Variants in SLC24A4 observed in about 807,000 individuals in gnomAD.
The protein encoded by SLC24A4 is solute carrier family 24 member 4.
In SLC24A4, 53 loss-of-function variants were observed where a neutral mutation model predicts 79.0. That is an observed-to-expected ratio of 0.67 (90% confidence interval 0.54 to 0.84). SLC24A4 has a LOEUF of 0.84. Among genes scored for constraint, SLC24A4 ranks in the 40% least tolerant of loss-of-function variants. SLC24A4 has a pLI of 0.00. For missense variants in SLC24A4, 731 were observed against 822.0 expected (o/e 0.89, Z 1.35); for synonymous variants, 323 against 323.8 (o/e 1.00, Z 0.03).
At chr14:92,339,970 G>A (rs1297977364) in intron 2 of SLC24A4, among the ~76,000 whole-genome samples, 2 of 152,234 alleles carry the variant, frequency 1.3e-5, no homozygotes, top group East Asian at 3.8e-4. Flanking sequence ...GGCAGGATCT[G>A]TAGGTCTTAG....
chr14:92,326,008 T>G (rs1160066736), intron 2 of SLC24A4, 30 bp downstream of exon 2: 8 of 1,500,064 alleles, frequency 5.3e-6, no homozygotes, highest in Non-Finnish European at 7.4e-6. Context: ...CCACTCAGTC[T>G]ACTAAGATGT....
chr14:92,334,744 G>A (rs1566692498), intron 2 of SLC24A4, among the ~76,000 whole-genome samples: 1 of 152,064 alleles, frequency 6.6e-6, no homozygotes, highest in Non-Finnish European at 1.5e-5. Flanking sequence ...ATCTTGCTAA[G>A]CATCAGGATT....
rs1886990729 is a variant in SLC24A4 at position 92,353,291 on chromosome 14, C to T, written c.241+27313C>T. 1.3e-5 allele frequency among the ~76,000 whole-genome samples: 2 copies of T among 152,248 alleles called. No homozygotes were observed. The highest frequency in any genetic ancestry group is 1.9e-4 in the East Asian group (1 of 5,206). ...AATGTTTCTTTTCCCATCCTTTAAT[C>T]ATCTACATAGTATTCTATTGTGCGG... On this transcript the variant is annotated intron_variant, in intron 2 of 16. Transcript: ENST00000532405. The surrounding 1 kb of genome is among the most constrained non-coding windows in gnomAD (Gnocchi z 4.1).
intron 16 of SLC24A4, chr14:92,492,825 A>G: frequency 2.2e-6 from 1 of 455,240 alleles, no homozygotes; most frequent in Non-Finnish European, 4.4e-6. Flanking sequence ...TTTTACTCGC[A>G]GTGCTCCAGT....
intron 12 of SLC24A4, among the ~76,000 whole-genome samples, chr14:92,478,570 C>T (rs375660806): frequency 4.0e-5 from 6 of 151,678 alleles, no homozygotes; most frequent in Admixed American, 2.6e-4. Flanking sequence ...TTATTCCATT[C>T]TTCCAGTAGC....
At chr14:92,330,842 C>T (rs1008170896) in intron 2 of SLC24A4, among the ~76,000 whole-genome samples, 2 of 152,296 alleles carry the variant, frequency 1.3e-5, no homozygotes, top group South Asian at 4.1e-4. Context: ...TCCCAAAAGC[C>T]CTGCCTCCAA....
chr14:92,487,427 G>A (rs78434577), intron 14 of SLC24A4, among the ~76,000 whole-genome samples: 12,761 of 130,568 alleles, frequency 0.098, 727 homozygotes, highest in East Asian at 0.15. Context: ...GAATAATGGC[G>A]TAAAATCTCA....
chr14:92,331,743 A>G (rs1595124615), intron 2 of SLC24A4, among the ~76,000 whole-genome samples: 1 of 152,230 alleles, frequency 6.6e-6, no homozygotes, highest in East Asian at 1.9e-4. Context: ...ACAAACCTGC[A>G]TGGGTCACTT....
Position 92,449,070 on chromosome 14 carries a change from C to G in SLC24A4, c.738-4C>G, listed in dbSNP as rs998741256. The G allele has an allele frequency of 6.2e-7, 1 of 1,614,118 alleles. No individual in the cohort carries two copies. The highest frequency in any genetic ancestry group is 8.5e-7 in the Non-Finnish European group (1 of 1,179,994). On this transcript the variant is annotated splice_polypyrimidine_tract_variant and splice_region_variant and intron_variant, in intron 9 of 16. Transcript: ENST00000532405. ...CCTGACCTCCTGCCTCCCCTCGCTT[C>G]CAGGTACAATGTGAAGATGCAAGCC...
intron 2 of SLC24A4, among the ~76,000 whole-genome samples, chr14:92,425,394 G>A (rs1891510979): frequency 6.6e-6 from 1 of 152,210 alleles, no homozygotes; most frequent in Non-Finnish European, 1.5e-5. Flanking sequence ...TCACTACAGG[G>A]AGCCTATTTG....
Position 92,496,143 on chromosome 14 carries a change from A to T in SLC24A4, c.*2515A>T, listed in dbSNP as rs1895913510. On this transcript the variant is annotated 3_prime_UTR_variant, in exon 17 of 17. Coordinates refer to ENST00000532405, the MANE Select transcript of SLC24A4 (RefSeq NM_153646.4). Reference sequence around the variant, plus strand: ...TAAAGTTGCAGTTAGAAACTAAAATAATGTTTTTTAATATGTAATATGCTC... The same window carrying T: ...TAAAGTTGCAGTTAGAAACTAAAATTATGTTTTTTAATATGTAATATGCTC... 6.6e-6 allele frequency: 1 copy of T among 152,664 alleles called. No individual in the cohort carries two copies. The highest frequency in any genetic ancestry group is 2.4e-5 in the African/African-American group (1 of 41,468). The allele number at this position is 152,664 out of a possible 1,614,324, so 9.5% of individuals were successfully genotyped here.
chr14:92,474,843 G>GTGTGTGTATA (rs779007741), intron 12 of SLC24A4, among the ~76,000 whole-genome samples: 1 of 23,884 alleles, frequency 4.2e-5, no homozygotes, highest in African/African-American at 9.8e-5. Context: ...GTGTGTGTGT[G>GTGTGTGTATA]TATATATATA....
chr14:92,432,601 C>T (rs1248395550), intron 2 of SLC24A4, among the ~76,000 whole-genome samples: 1 of 152,144 alleles, frequency 6.6e-6, no homozygotes. Flanking sequence ...AATCCATGCC[C>T]TTGAACCGAC....
intron 2 of SLC24A4, among the ~76,000 whole-genome samples, chr14:92,375,611 T>C (rs1486107181): frequency 6.6e-6 from 1 of 152,224 alleles, no homozygotes; most frequent in Non-Finnish European, 1.5e-5. Context: ...TATAATGGAA[T>C]ATTATTCAGC....
At chr14:92,380,814 G>A (rs1362421265) in intron 2 of SLC24A4, among the ~76,000 whole-genome samples, 1 of 152,240 alleles carries the variant, frequency 6.6e-6, no homozygotes, top group Non-Finnish European at 1.5e-5. Flanking sequence ...GGCTCTGGAG[G>A]TGCAAGCGGC....
intron 16 of SLC24A4, among the ~76,000 whole-genome samples, chr14:92,493,222 G>A (rs1018549776): frequency 1.3e-5 from 2 of 152,074 alleles, no homozygotes; most frequent in Admixed American, 6.5e-5. Flanking sequence ...GGGGAGGGCC[G>A]GTCCCATGAG....
chr14:92,336,239 CG>C (rs1885796514), intron 2 of SLC24A4, among the ~76,000 whole-genome samples: 1 of 152,054 alleles, frequency 6.6e-6, no homozygotes, highest in East Asian at 1.9e-4. Context: ...AGCCGTTGGA[CG>C]TAACAGAAAA....
intron 2 of SLC24A4, among the ~76,000 whole-genome samples, chr14:92,380,159 C>G (rs978512831): frequency 6.6e-6 from 1 of 152,218 alleles, no homozygotes; most frequent in East Asian, 1.9e-4. Context: ...GCTCTGCATC[C>G]GAAGGCAGAA....
chr14:92,382,208 A>G (rs902182492), intron 2 of SLC24A4, among the ~76,000 whole-genome samples: 1 of 152,130 alleles, frequency 6.6e-6, no homozygotes, highest in Non-Finnish European at 1.5e-5. Flanking sequence ...GCCTGGGTTA[A>G]TGTTGGCCTT....
Sources: gnomAD v4.1 joint callset for allele counts (sites outside exome capture counted in the v4.1 genomes callset) on GRCh38, gnomAD v4.1.1 for gene constraint, Gnocchi (gnomAD v3.1) non-coding constraint, MANE v1.5 for transcripts, NCBI Gene and HGNC (gene_info 2026-07-23, HGNC 2026-07-21) for gene names.